The following FHOD3 variants were observed in gnomAD, a reference collection of about 807,000 sequenced individuals.
The protein encoded by FHOD3 is FH1/FH2 domain-containing protein 3.
A neutral mutation model predicts 173.0 loss-of-function variants in FHOD3; 90 were observed. The ratio of observed to expected loss-of-function variants is 0.52; its 90% CI spans 0.44 to 0.62. The LOEUF (loss-of-function observed/expected upper bound fraction) is 0.62, where lower values mean the gene tolerates loss of function less well. FHOD3 is among the 20% of genes least tolerant of loss of function. The pLI is 0.00. For missense variants in FHOD3, 1,945 were observed against 2,034.7 expected, an observed-to-expected ratio of 0.96 and a Z score of 0.85; for synonymous variants, 828 against 823.0, an observed-to-expected ratio of 1.01 and a Z score of -0.10.
At chr18:36,717,728 C>A in intron 18 of FHOD3, 104 bp from the exon 19 acceptor site, 1 of 1,479,832 alleles carries the variant, frequency 6.8e-7, no homozygotes, top group Non-Finnish European at 9.0e-7. Context: ...AGTGTCTTCT[C>A]TGAAGTCACT....
chr18:36,428,333 A>AT, intron 3 of FHOD3, among the ~76,000 whole-genome samples: 1 of 152,180 alleles, frequency 6.6e-6, no homozygotes, highest in South Asian at 2.1e-4. Context: ...GCGTTAAAGG[A>AT]TTTTTTGTTG....
At chr18:36,597,812 A>G (rs1407767725) in intron 7 of FHOD3, among the ~76,000 whole-genome samples, 1 of 152,168 alleles carries the variant, frequency 6.6e-6, no homozygotes, top group Non-Finnish European at 1.5e-5. Context: ...AGCTGAAAAA[A>G]AAAAAAAAAG....
At position 36,398,109 on chromosome 18, in the gene FHOD3, G is replaced by T. The variant is rs561964573; in HGVS notation, c.337+25365G>T. Among the ~76,000 whole-genome samples, 7 of 152,284 alleles carry T rather than the reference G, an allele frequency of 4.6e-5. No individual in the cohort carries two copies. In the East Asian group the frequency reaches 1.2e-3, roughly 25 times the overall value. ...TAATAGGCAACCCAGAAATGAATGG[G>T]TTTTTCCTGCTGTATTCTTGAACAC... On this transcript the variant is annotated intron_variant, in intron 3 of 28. Coordinates refer to ENST00000590592, the MANE Select transcript of FHOD3 (RefSeq NM_001281740.3).
At chr18:36,452,660 A>G (rs1198597126) in intron 3 of FHOD3, among the ~76,000 whole-genome samples, 1 of 152,010 alleles carries the variant, frequency 6.6e-6, no homozygotes, top group Non-Finnish European at 1.5e-5. Context: ...GAGTCTGGCT[A>G]CTTTAGATAT....
intron 3 of FHOD3, among the ~76,000 whole-genome samples, chr18:36,391,645 G>A (rs951860879): frequency 2.0e-5 from 3 of 152,144 alleles, no homozygotes; most frequent in African/African-American, 7.2e-5. Context: ...GTGACCTTAA[G>A]TAGGACCCTT....
chr18:36,501,202 G>C (rs7236945), intron 3 of FHOD3, among the ~76,000 whole-genome samples: 13,448 of 152,284 alleles, frequency 0.088, 1,213 homozygotes, highest in East Asian at 0.28. Flanking sequence ...AATTCCAAGA[G>C]TGGGATCTTT....
chr18:36,648,797 G>A (rs753771779), intron 10 of FHOD3, among the ~76,000 whole-genome samples: 21 of 152,146 alleles, frequency 1.4e-4, no homozygotes, highest in Non-Finnish European at 2.9e-4. Flanking sequence ...GAGAATAAGG[G>A]GTGGCATACC....
At chr18:36,379,923 G>A (rs2047650736) in intron 3 of FHOD3, among the ~76,000 whole-genome samples, 1 of 152,298 alleles carries the variant, frequency 6.6e-6, no homozygotes, top group South Asian at 2.1e-4. Context: ...TATCCAGAGG[G>A]TGTGGGAGTT....
intron 2 of FHOD3, among the ~76,000 whole-genome samples, chr18:36,357,094 A>G (rs1364115468): frequency 6.6e-6 from 1 of 152,204 alleles, no homozygotes; most frequent in Non-Finnish European, 1.5e-5. Context: ...GCCCGAGTTA[A>G]AAATATGGTC....
chr18:36,582,236 G>A (rs1427268558), intron 6 of FHOD3, among the ~76,000 whole-genome samples: 1 of 152,206 alleles, frequency 6.6e-6, no homozygotes, highest in East Asian at 1.9e-4. Context: ...AAGGAGAGGA[G>A]ATTCGGTGAG....
Position 36,495,187 on chromosome 18 carries a change from G to A in FHOD3, c.338-6745G>A, listed in dbSNP as rs542330054. ...AATTTCTTGGCTCAAGCGATCTGCCGGCCCTGGCCTCCCAAAGTGCTGGGA... is the reference window on the plus strand; with the variant it reads ...AATTTCTTGGCTCAAGCGATCTGCCAGCCCTGGCCTCCCAAAGTGCTGGGA... On this transcript the variant is annotated intron_variant, in intron 3 of 28. Transcript: ENST00000590592. Among the ~76,000 whole-genome samples the A allele has an allele frequency of 3.9e-5, 6 of 152,126 alleles. No individual in the cohort carries two copies. In the South Asian group the frequency reaches 1.0e-3, roughly 26 times the overall value.
At chr18:36,407,597 C>T (rs1285248399) in intron 3 of FHOD3, among the ~76,000 whole-genome samples, 8 of 152,178 alleles carry the variant, frequency 5.3e-5, no homozygotes, top group Admixed American at 4.6e-4. Flanking sequence ...TGAGCGTAAG[C>T]GATGGAGTAA....
intron 15 of FHOD3, among the ~76,000 whole-genome samples, chr18:36,685,395 GA>G (rs771721973): frequency 6.6e-6 from 1 of 152,104 alleles, no homozygotes; most frequent in African/African-American, 2.4e-5. Flanking sequence ...AAATAAATAG[GA>G]AAAGCTTTCT....
At chr18:36,513,300 G>A (rs1253316613) in intron 5 of FHOD3, among the ~76,000 whole-genome samples, 1 of 151,930 alleles carries the variant, frequency 6.6e-6, no homozygotes, top group East Asian at 1.9e-4. Context: ...ATTTTATATC[G>A]TCCAATATTA....
At chr18:36,404,736 A>T (rs1472151971) in intron 3 of FHOD3, among the ~76,000 whole-genome samples, 1 of 152,048 alleles carries the variant, frequency 6.6e-6, no homozygotes, top group Non-Finnish European at 1.5e-5. Context: ...TGGGTAGCTG[A>T]GCAGTTGTGT....
intron 3 of FHOD3, among the ~76,000 whole-genome samples, chr18:36,449,942 G>GT (rs2051726745): frequency 6.6e-6 from 1 of 152,006 alleles, no homozygotes; most frequent in Non-Finnish European, 1.5e-5. Flanking sequence ...AATTCAGTAG[G>GT]TTTTTGGGGA....
intron 24 of FHOD3, among the ~76,000 whole-genome samples, chr18:36,750,676 A>G (rs1169060962): frequency 6.6e-6 from 1 of 152,206 alleles, no homozygotes; most frequent in South Asian, 2.1e-4. Context: ...TATATGGTGT[A>G]AGGAAAGTGT....
intron 25 of FHOD3, 119 bp from the exon 26 acceptor site, chr18:36,758,999 G>T: frequency 1.8e-6 from 2 of 1,104,672 alleles, no homozygotes; most frequent in South Asian, 1.3e-5. Context: ...TGGTTGTGGT[G>T]ACCAGTTTAT....
At chr18:36,471,326 GC>G (rs2053272369) in intron 3 of FHOD3, among the ~76,000 whole-genome samples, 1 of 152,186 alleles carries the variant, frequency 6.6e-6, no homozygotes, top group Admixed American at 6.5e-5. Flanking sequence ...CCTGACCCGA[GC>G]CAGCTTGCAT....
Sources: allele counts gnomAD v4.1 joint callset (sites outside exome capture counted in the v4.1 genomes callset), GRCh38; gene constraint gnomAD v4.1.1; transcripts MANE v1.5; gene names NCBI Gene and HGNC (gene_info 2026-07-23, HGNC 2026-07-21).